The following C9 variants were observed in gnomAD, a reference collection of about 807,000 sequenced individuals.
The protein encoded by C9 is complement C9.
A neutral mutation model predicts 65.4 loss-of-function variants in C9; 63 were observed. The observed-to-expected ratio is 0.96, with a 90% confidence interval of 0.79 to 1.19. The LOEUF (loss-of-function observed/expected upper bound fraction) is 1.19, where lower values mean the gene tolerates loss of function less well. Among genes scored for constraint, C9 ranks in the 50% most tolerant of loss-of-function variants. The probability of loss-of-function intolerance (pLI) is 0.00; values close to 1 mark genes in which losing one functional copy is unlikely to be tolerated. For missense variants in C9, 744 were observed against 670.1 expected, an observed-to-expected ratio of 1.11 and a Z score of -1.22; for synonymous variants, 229 against 227.9, an observed-to-expected ratio of 1.00 and a Z score of -0.04.
At chr5:39,356,493 G>A (rs1472868251) in intron 1 of C9, among the ~76,000 whole-genome samples, 2 of 152,218 alleles carry the variant, frequency 1.3e-5, no homozygotes, top group Admixed American at 6.5e-5. Context: ...GGCAAAGCAC[G>A]TCAGTGGGAC....
chr5:39,354,072 G>A (rs1309410280), intron 1 of C9, among the ~76,000 whole-genome samples: 1 of 152,190 alleles, frequency 6.6e-6, no homozygotes, highest in Non-Finnish European at 1.5e-5. Context: ...AGAATATCTG[G>A]AGGTGTGATG....
intron 1 of C9, among the ~76,000 whole-genome samples, chr5:39,346,566 A>T (rs2111965339): frequency 6.6e-6 from 1 of 152,340 alleles, no homozygotes; most frequent in Admixed American, 6.5e-5. Context: ...GACCAGATGG[A>T]TTCACAGCTG....
chr5:39,298,735 T>G (rs1160080613), intron 9 of C9, among the ~76,000 whole-genome samples: 1 of 151,868 alleles, frequency 6.6e-6, no homozygotes, highest in African/African-American at 2.4e-5. Flanking sequence ...TACTTCTCAC[T>G]TATTTTACAG....
chr5:39,284,550 T>C lies in C9; in HGVS notation c.*649A>G, dbSNP rs993647718. On this transcript the variant is annotated 3_prime_UTR_variant, in exon 11 of 11. Coordinates refer to ENST00000263408, the MANE Select transcript of C9 (RefSeq NM_001737.5). ...ACTGAACACTATCTATATTATTCCT[T>C]TCATCTAACTGGATTTTTGTACCCA... is the stretch of plus-strand genomic sequence containing the variant. 2 of 152,286 alleles carry C rather than the reference T, an allele frequency of 1.3e-5. No individual in the cohort carries two copies. The highest frequency in any genetic ancestry group is 1.5e-5 in the Non-Finnish European group (1 of 68,074). The allele number at this position is 152,286 out of a possible 1,614,324, so 9.4% of individuals were successfully genotyped here. A position where few individuals can be genotyped will look rare whatever the true frequency, so the allele number is the denominator to read the frequency against.
chr5:39,296,679 A>G (rs929860985), intron 9 of C9, among the ~76,000 whole-genome samples: 4 of 151,620 alleles, frequency 2.6e-5, no homozygotes, highest in Non-Finnish European at 5.9e-5. Flanking sequence ...CAGTAGCCAC[A>G]TGGATAAATA....
intron 1 of C9, among the ~76,000 whole-genome samples, chr5:39,343,052 G>T (rs975479677): frequency 6.6e-6 from 1 of 152,110 alleles, no homozygotes; most frequent in Non-Finnish European, 1.5e-5. Flanking sequence ...TTAAACCACA[G>T]AAAAGGCTAG....
intron 9 of C9, 144 bp downstream of exon 9, chr5:39,306,473 C>A: frequency 1.4e-6 from 1 of 708,824 alleles, no homozygotes; most frequent in South Asian, 1.7e-5. Flanking sequence ...TTTCTCTATG[C>A]CATGCCTCCT....
intron 9 of C9, among the ~76,000 whole-genome samples, chr5:39,303,845 G>A (rs1027317919): frequency 6.6e-6 from 1 of 152,044 alleles, no homozygotes; most frequent in East Asian, 1.9e-4. Context: ...TATGGTCCTA[G>A]TCTCAGTGAG....
At position 39,324,609 on chromosome 5, in the gene C9, G is replaced by C. The variant is rs141053355; in HGVS notation, c.615+7067C>G. Among the ~76,000 whole-genome samples, 202 of 152,308 alleles carry C rather than the reference G, an allele frequency of 1.3e-3. 1 individual carries two copies. The highest frequency in any genetic ancestry group is 4.7e-3 in the African/African-American group (195 of 41,556). On this transcript the variant is annotated intron_variant, in intron 5 of 10. Coordinates refer to ENST00000263408, the MANE Select transcript of C9 (RefSeq NM_001737.5). Reference sequence around the variant, plus strand: ...TGCCAGAATGGTAGTGGCGAGTACAGCCTGAAACTCTGAGGATGGAGTCAT... The same window carrying C: ...TGCCAGAATGGTAGTGGCGAGTACACCCTGAAACTCTGAGGATGGAGTCAT...
rs544985966 is a variant in C9 at position 39,289,219 on chromosome 5, C to CA, written c.1417-269dup. Among the ~76,000 whole-genome samples, 357 of 143,204 alleles carry CA rather than the reference C, an allele frequency of 2.5e-3. 2 individuals carry two copies. Among genetic ancestry groups the CA allele is most frequent in the East Asian group, 7.7e-3 (38 of 4,964 alleles). 93.9% of individuals were successfully genotyped at this position (143,204 alleles called of 152,430 possible). A position where few individuals can be genotyped will look rare whatever the true frequency, so the allele number is the denominator to read the frequency against. On this transcript the variant is annotated intron_variant, in intron 9 of 10. Coordinates refer to ENST00000263408, the MANE Select transcript of C9 (RefSeq NM_001737.5). Reference sequence around the variant, plus strand: ...CAAATAGAAAGTGTGATAGGTGCTACAAAAAAAAAACAGGTATATGTGCTT... The same window carrying CA: ...CAAATAGAAAGTGTGATAGGTGCTACAAAAAAAAAAACAGGTATATGTGCTT...
chr5:39,288,631 T>C (rs2111835365), intron 10 of C9, 92 bp downstream of exon 10: 2 of 735,476 alleles, frequency 2.7e-6, no homozygotes, highest in Middle Eastern at 2.3e-4. Flanking sequence ...TCTAGAGATT[T>C]AGTACAAATT....
chr5:39,346,103 T>G (rs1754188903), intron 1 of C9, among the ~76,000 whole-genome samples: 1 of 151,922 alleles, frequency 6.6e-6, no homozygotes, highest in Non-Finnish European at 1.5e-5. Context: ...ACATCACAAT[T>G]AAAAGAACTA....
chr5:39,335,592 A>C lies in C9; in HGVS notation c.477-3778T>G, dbSNP rs1209411915. On this transcript the variant is annotated intron_variant, in intron 4 of 10. Coordinates refer to ENST00000263408, the MANE Select transcript of C9 (RefSeq NM_001737.5). ...AACCCAGAGATGATTTAAAGAGTAC[A>C]GGAGGATGTACATAGGTATGTGCGA... 2.6e-5 allele frequency among the ~76,000 whole-genome samples: 4 copies of C among 152,236 alleles called. No homozygotes were observed. In the East Asian group the frequency reaches 7.7e-4, roughly 29 times the overall value.
intron 1 of C9, among the ~76,000 whole-genome samples, chr5:39,360,374 G>A (rs955415789): frequency 2.0e-5 from 3 of 151,944 alleles, no homozygotes; most frequent in East Asian, 1.9e-4. Flanking sequence ...ATTGAAACCC[G>A]GACAACTTCT....
intron 9 of C9, among the ~76,000 whole-genome samples, chr5:39,294,734 A>G (rs1753153332): frequency 6.6e-6 from 1 of 151,840 alleles, no homozygotes; most frequent in Non-Finnish European, 1.5e-5. Context: ...CATAACCCTG[A>G]TATCAAAACC....
intron 1 of C9, among the ~76,000 whole-genome samples, chr5:39,344,439 G>C (rs761224908): frequency 1.3e-5 from 2 of 152,206 alleles, no homozygotes; most frequent in Admixed American, 1.3e-4. Context: ...AAGATCAAAT[G>C]AATGAAATGA....
chr5:39,296,377 G>T (rs190761862), intron 9 of C9, among the ~76,000 whole-genome samples: 1 of 151,508 alleles, frequency 6.6e-6, no homozygotes, highest in African/African-American at 2.4e-5. Flanking sequence ...GAGCCATTTT[G>T]CAAAAGAACA....
chr5:39,358,773 A>C (rs922293528), intron 1 of C9, among the ~76,000 whole-genome samples: 11 of 151,672 alleles, frequency 7.3e-5, no homozygotes, highest in Non-Finnish European at 1.6e-4. Context: ...ATCATGAGGT[A>C]AGGAGATCGA....
chr5:39,326,089 T>G lies in C9; in HGVS notation c.615+5587A>C, dbSNP rs184273944. 2.6e-5 allele frequency among the ~76,000 whole-genome samples: 4 copies of G among 152,238 alleles called. No homozygotes were observed. The East Asian group carries it at 5.8e-4, about 22-fold the overall frequency. On this transcript the variant is annotated intron_variant, in intron 5 of 10. Coordinates refer to ENST00000263408, the MANE Select transcript of C9 (RefSeq NM_001737.5). ...TTTTATAGGGTCCATCTATAGAAAATTTAGTTTGTGATAGGCACTATTCTA... is the reference window on the plus strand; with the variant it reads ...TTTTATAGGGTCCATCTATAGAAAAGTTAGTTTGTGATAGGCACTATTCTA...
Sources: allele counts gnomAD v4.1 joint callset (sites outside exome capture counted in the v4.1 genomes callset), GRCh38; gene constraint gnomAD v4.1.1; transcripts MANE v1.5; gene names NCBI Gene and HGNC (gene_info 2026-07-23, HGNC 2026-07-21).